The following WWOX variants were observed in gnomAD, a reference collection of about 807,000 sequenced individuals.
WWOX encodes WW domain containing oxidoreductase.
WWOX carries 69 observed loss-of-function variants against 46.2 expected under a neutral mutation model. The observed-to-expected ratio is 1.49, with a 90% CI of 1.23 to 1.82. The LOEUF is 1.82. Among genes scored for constraint, WWOX ranks in the 40% most tolerant of loss-of-function variants. WWOX has a pLI of 0.00. For synonymous variants in WWOX, 359 were observed against 202.6 expected (o/e 1.77, Z -6.56); for missense variants, 919 against 542.6 (o/e 1.69, Z -6.89).
intron 8 of WWOX, among the ~76,000 whole-genome samples, chr16:79,030,469 A>C (rs1352438061): frequency 6.6e-6 from 1 of 152,188 alleles, no homozygotes; most frequent in African/African-American, 2.4e-5. Context: ...CAATCCCATT[A>C]GCAGTGATGG....
intron 8 of WWOX, among the ~76,000 whole-genome samples, chr16:78,709,936 G>T (rs923875624): frequency 6.6e-6 from 1 of 151,954 alleles, no homozygotes; most frequent in Non-Finnish European, 1.5e-5. Context: ...TCACCATGTT[G>T]CCCAGGATGG....
intron 8 of WWOX, among the ~76,000 whole-genome samples, chr16:79,023,808 T>C (rs1420014090): frequency 2.9e-5 from 4 of 136,220 alleles, no homozygotes; most frequent in Non-Finnish European, 4.9e-5. Context: ...AAAAAAAAAT[T>C]AGCCAGACAT....
At chr16:78,212,742 G>A (rs531592901) in intron 5 of WWOX, among the ~76,000 whole-genome samples, 6 of 152,310 alleles carry the variant, frequency 3.9e-5, no homozygotes, top group Non-Finnish European at 8.8e-5. Flanking sequence ...CTCATGAACA[G>A]TCTGGTAATG....
At chr16:78,336,969 C>A (rs771016903) in intron 5 of WWOX, among the ~76,000 whole-genome samples, 2 of 151,884 alleles carry the variant, frequency 1.3e-5, no homozygotes, top group East Asian at 3.9e-4. Context: ...TTAGTACAGA[C>A]GGGGTTTCAG....
At chr16:78,710,500 T>TATATATATATC (rs1567507587) in intron 8 of WWOX, among the ~76,000 whole-genome samples, 1 of 68,584 alleles carries the variant, frequency 1.5e-5, no homozygotes, top group South Asian at 4.4e-4. Context: ...ATATATATAT[T>TATATATATATC]TATATAAATA....
Position 78,914,879 on chromosome 16 carries a change from AG to A in WWOX, c.1057-296728del, listed in dbSNP as rs1288936984. 6.5e-4 allele frequency among the ~76,000 whole-genome samples: 59 copies of A among 90,452 alleles called. 1 individual carries two copies. Among genetic ancestry groups the A allele is most frequent in the South Asian group, 4.2e-3 (9 of 2,124 alleles). 59.3% of individuals were successfully genotyped at this position (90,452 alleles called of 152,430 possible). A position where few individuals can be genotyped will look rare whatever the true frequency, so the allele number is the denominator to read the frequency against. On this transcript the variant is annotated intron_variant, in intron 8 of 8. Coordinates refer to ENST00000566780, the MANE Select transcript of WWOX (RefSeq NM_016373.4). Reference sequence around the variant, plus strand: ...GGGTGACAGAGCGAGACTCCGCCTCAGAAAAAAAAAAAAAAAAAAAAAAAGG... The same window carrying A: ...GGGTGACAGAGCGAGACTCCGCCTCAAAAAAAAAAAAAAAAAAAAAAAAGG...
chr16:78,662,987 C>A (rs183595153), intron 8 of WWOX, among the ~76,000 whole-genome samples: 2 of 152,232 alleles, frequency 1.3e-5, no homozygotes, highest in East Asian at 3.9e-4. Context: ...CATCCTATCG[C>A]TTTGGTTTTT....
At chr16:79,121,990 T>C (rs2049643191) in intron 8 of WWOX, among the ~76,000 whole-genome samples, 1 of 152,272 alleles carries the variant, frequency 6.6e-6, no homozygotes, top group East Asian at 1.9e-4. Flanking sequence ...GTCAGGCTCC[T>C]CTAGGTACAA....
At chr16:78,725,394 C>G (rs1376313400) in intron 8 of WWOX, among the ~76,000 whole-genome samples, 1 of 114,232 alleles carries the variant, frequency 8.8e-6, no homozygotes. Context: ...GTTGCCTAGG[C>G]TGGAGTGCAG....
intron 8 of WWOX, among the ~76,000 whole-genome samples, chr16:78,837,678 G>A (rs1463298916): frequency 6.6e-6 from 1 of 152,138 alleles, no homozygotes; most frequent in Non-Finnish European, 1.5e-5. Context: ...CCAAGAAAGA[G>A]GGGCTGACAA....
chr16:79,138,487 G>A lies in WWOX; in HGVS notation c.1057-73121G>A, dbSNP rs79070361. Among the ~76,000 whole-genome samples the A allele has an allele frequency of 7.4e-3, 1,133 of 152,294 alleles. 11 individuals carry two copies. The highest frequency in any genetic ancestry group is 0.025 in the African/African-American group (1,033 of 41,552). On this transcript the variant is annotated intron_variant, in intron 8 of 8. Coordinates refer to ENST00000566780, the MANE Select transcript of WWOX (RefSeq NM_016373.4). ...TCGTCTCTTTCCTGTTGGAACAACT[G>A]CCTCACTCCTGTGGCCCCACTGTGC...
At chr16:78,104,470 C>CTCTA (rs1346141492) in intron 1 of WWOX, among the ~76,000 whole-genome samples, 1 of 152,150 alleles carries the variant, frequency 6.6e-6, no homozygotes, top group Admixed American at 6.5e-5. Flanking sequence ...CATCACTGTA[C>CTCTA]TCTAGCCTGG....
intron 8 of WWOX, among the ~76,000 whole-genome samples, chr16:79,043,338 T>C (rs1597318124): frequency 6.6e-6 from 1 of 152,162 alleles, no homozygotes; most frequent in East Asian, 1.9e-4. Flanking sequence ...AAAATGGTTT[T>C]TGATTTATGA....
intron 8 of WWOX, among the ~76,000 whole-genome samples, chr16:78,698,202 G>C (rs116880039): frequency 0.013 from 1,954 of 152,300 alleles, 19 homozygotes; most frequent in South Asian, 0.036. Flanking sequence ...AACAAGGTCA[G>C]ACAACACAGA....
At chr16:78,475,217 A>G (rs2084324532) in intron 8 of WWOX, among the ~76,000 whole-genome samples, 1 of 152,204 alleles carries the variant, frequency 6.6e-6, no homozygotes, top group Admixed American at 6.5e-5. Context: ...TGTGGACATC[A>G]TTGATTTCTC....
intron 8 of WWOX, among the ~76,000 whole-genome samples, chr16:78,778,527 A>G (rs918208285): frequency 2.6e-5 from 4 of 152,140 alleles, no homozygotes; most frequent in Admixed American, 6.5e-5. Context: ...AAGTCATTTC[A>G]CAATTTGGGT....
intron 8 of WWOX, among the ~76,000 whole-genome samples, chr16:78,976,038 C>G (rs2046566225): frequency 6.6e-6 from 1 of 152,146 alleles, no homozygotes; most frequent in South Asian, 2.1e-4. Context: ...GTGCGTTTAG[C>G]CAGCGCCCCG....
At chr16:79,136,472 AC>A (rs1316400395) in intron 8 of WWOX, among the ~76,000 whole-genome samples, 1 of 151,892 alleles carries the variant, frequency 6.6e-6, no homozygotes, top group Non-Finnish European at 1.5e-5. Flanking sequence ...CTCATGATCC[AC>A]CCGCCTCGGC....
At chr16:78,365,031 T>G (rs1340410090) in intron 5 of WWOX, among the ~76,000 whole-genome samples, 1 of 152,230 alleles carries the variant, frequency 6.6e-6, no homozygotes, top group African/African-American at 2.4e-5. Context: ...TGGGTAATTC[T>G]TTGGGGCCGG....
Sources: allele counts gnomAD v4.1 joint callset (sites outside exome capture counted in the v4.1 genomes callset), GRCh38; gene constraint gnomAD v4.1.1; transcripts MANE v1.5; gene names NCBI Gene and HGNC (gene_info 2026-07-23, HGNC 2026-07-21).